The following RBMS3 variants were observed in gnomAD, a reference collection of about 807,000 sequenced individuals.
RBMS3 encodes RNA-binding motif, single-stranded-interacting protein 3.
In RBMS3, 27 loss-of-function variants were observed where a neutral mutation model predicts 66.8. The observed-to-expected ratio is 0.40, with a 90% confidence interval of 0.30 to 0.56. RBMS3 has a LOEUF of 0.56. Ranked by LOEUF, RBMS3 falls within the 20% of genes least tolerant of loss-of-function variation. The pLI is 0.40. For synonymous variants in RBMS3, 188 were observed against 183.0 expected (o/e 1.03, Z -0.22); for missense variants, 513 against 549.5 (o/e 0.93, Z 0.66).
Position 29,899,725 on chromosome 3 carries a change from G to A in RBMS3, c.909G>A (p.Met303Ile), listed in dbSNP as rs763130432. The A allele has an allele frequency of 9.3e-6, 15 of 1,610,470 alleles. No homozygotes were observed. In the East Asian group the frequency reaches 3.3e-4, roughly 36 times the overall value. ...STYQVQSTSW[M>I]PHPPYVMQPT... ...CATAGGTCCAGAGTACTTCATGGAT[G>A]CCTCATCCGCCATACGTTATGCAAC... The change falls in exon 10 of 15, where the codon ATG becomes ATA. Residue 303 changes from methionine (M) to isoleucine (I), a missense_variant. Transcript: ENST00000383767.
intron 10 of RBMS3, among the ~76,000 whole-genome samples, chr3:29,921,447 C>A (rs1429514406): frequency 2.8e-5 from 4 of 143,278 alleles, no homozygotes; most frequent in Non-Finnish European, 6.0e-5. Flanking sequence ...ATTTGCTATC[C>A]CATTGCCATA....
intron 12 of RBMS3, among the ~76,000 whole-genome samples, chr3:29,978,068 C>T (rs771336729): frequency 2.9e-4 from 44 of 152,264 alleles, no homozygotes; most frequent in Non-Finnish European, 5.7e-4. Context: ...CTCTGAGGCA[C>T]CCAGATTTAA....
chr3:29,318,024 C>T (rs375908272), intron 1 of RBMS3, among the ~76,000 whole-genome samples: 19 of 151,738 alleles, frequency 1.3e-4, no homozygotes, highest in East Asian at 1.2e-3. Flanking sequence ...TAGGTACATA[C>T]AAGATAATAA....
intron 6 of RBMS3, among the ~76,000 whole-genome samples, chr3:29,807,467 T>C (rs2057592327): frequency 6.6e-6 from 1 of 151,954 alleles, no homozygotes; most frequent in Non-Finnish European, 1.5e-5. Context: ...CAATCTTATA[T>C]GCAGGGTTCT....
At chr3:29,759,145 C>T (rs1386172155) in intron 5 of RBMS3, among the ~76,000 whole-genome samples, 1 of 152,002 alleles carries the variant, frequency 6.6e-6, no homozygotes, top group Admixed American at 6.6e-5. Flanking sequence ...ATCAGCCTCT[C>T]ATCTGACGTA....
At chr3:29,396,539 C>T (rs980874568) in intron 1 of RBMS3, among the ~76,000 whole-genome samples, 2 of 152,104 alleles carry the variant, frequency 1.3e-5, no homozygotes, top group African/African-American at 4.8e-5. Flanking sequence ...CTGGAAAACT[C>T]ATACTGAAGT....
chr3:29,424,457 T>A (rs754389661), intron 1 of RBMS3, among the ~76,000 whole-genome samples: 1 of 152,174 alleles, frequency 6.6e-6, no homozygotes, highest in Non-Finnish European at 1.5e-5. Flanking sequence ...CAGATGTGAC[T>A]ATGGTGTGGT....
chr3:29,847,049 A>G (rs1308654506), intron 6 of RBMS3, among the ~76,000 whole-genome samples: 1 of 152,226 alleles, frequency 6.6e-6, no homozygotes, highest in Admixed American at 6.5e-5. Flanking sequence ...CACGATAACA[A>G]GGTAATGAAG....
chr3:29,861,781 G>A (rs1236462464), intron 6 of RBMS3, among the ~76,000 whole-genome samples: 1 of 152,140 alleles, frequency 6.6e-6, no homozygotes, highest in Admixed American at 6.5e-5. Flanking sequence ...AAGTTTGGAA[G>A]ACTAGAAATA....
intron 6 of RBMS3, among the ~76,000 whole-genome samples, chr3:29,830,333 A>G (rs1000841873): frequency 1.3e-5 from 2 of 152,152 alleles, no homozygotes; most frequent in Non-Finnish European, 2.9e-5. Context: ...TTGTGTATAG[A>G]AAAACTTTAT....
At chr3:29,844,570 C>G (rs1213428967) in intron 6 of RBMS3, among the ~76,000 whole-genome samples, 4 of 152,162 alleles carry the variant, frequency 2.6e-5, no homozygotes, top group Non-Finnish European at 5.9e-5. Flanking sequence ...AATATTGCCA[C>G]TGAATAATGT....
intron 6 of RBMS3, among the ~76,000 whole-genome samples, chr3:29,787,681 CAG>C (rs1007034912): frequency 6.6e-6 from 1 of 151,926 alleles, no homozygotes; most frequent in African/African-American, 2.4e-5. Flanking sequence ...TTTGGGGACT[CAG>C]GGAAAAAGGG....
chr3:29,657,725 A>G (rs183461438), intron 4 of RBMS3, among the ~76,000 whole-genome samples: 1 of 152,332 alleles, frequency 6.6e-6, no homozygotes, highest in Admixed American at 6.5e-5. Context: ...TAGGCAGTCA[A>G]TACTAATCAA....
At position 29,759,718 on chromosome 3, in the gene RBMS3, C is replaced by A. The variant is rs914752786; in HGVS notation, c.558-3192C>A. 5.9e-4 allele frequency among the ~76,000 whole-genome samples: 89 copies of A among 152,102 alleles called. 1 individual carries two copies. The highest frequency in any genetic ancestry group is 1.6e-4 in the Non-Finnish European group (11 of 68,016). ...TTCAAATATAGTCTCTTTCCTCCCC[C>A]CCCAGAGCTTTCTGGGTCTCAGTCT... On this transcript the variant is annotated intron_variant, in intron 5 of 14. Coordinates refer to ENST00000383767, the MANE Select transcript of RBMS3 (RefSeq NM_001003793.3).
intron 1 of RBMS3, among the ~76,000 whole-genome samples, chr3:29,331,375 A>T (rs770816121): frequency 1.3e-5 from 2 of 151,976 alleles, no homozygotes; most frequent in African/African-American, 4.8e-5. Context: ...GTTAAGACGA[A>T]CTCCAATATG....
intron 3 of RBMS3, among the ~76,000 whole-genome samples, chr3:29,497,375 A>G (rs2043794379): frequency 6.6e-6 from 1 of 152,200 alleles, no homozygotes; most frequent in South Asian, 2.1e-4. Context: ...TGATAGAGTT[A>G]CATTACTTTC....
At chr3:29,958,934 T>G (rs973185110) in intron 12 of RBMS3, among the ~76,000 whole-genome samples, 1 of 152,188 alleles carries the variant, frequency 6.6e-6, no homozygotes, top group African/African-American at 2.4e-5. Flanking sequence ...AGCTTTTGTG[T>G]TCATTTCTGC....
intron 6 of RBMS3, among the ~76,000 whole-genome samples, chr3:29,841,167 T>A (rs985432613): frequency 6.6e-6 from 1 of 151,974 alleles, no homozygotes; most frequent in Non-Finnish European, 1.5e-5. Flanking sequence ...CCAGTTTTTT[T>A]ATTATTTTTC....
In RBMS3 at chr3:30,008,376, A is replaced by T. The variant is rs1356482048; in HGVS notation, c.*4514A>T. 1 of 152,138 alleles carries T rather than the reference A, an allele frequency of 6.6e-6. No individual in the cohort carries two copies. Among genetic ancestry groups the T allele is most frequent in the African/African-American group, 2.4e-5 (1 of 41,448 alleles). The allele number at this position is 152,138 out of a possible 1,614,324, so 9.4% of individuals were successfully genotyped here. A position where few individuals can be genotyped will look rare whatever the true frequency, so the allele number is the denominator to read the frequency against. On this transcript the variant is annotated 3_prime_UTR_variant, in exon 15 of 15. Transcript: ENST00000383767. The stretch of plus-strand genomic sequence containing the variant: ...GGGTTTCACTAATAAATGTTTTTTT[A>T]TATGATTTGAAATCAAGTAAAGGGA...
Sources: allele counts gnomAD v4.1 joint callset (sites outside exome capture counted in the v4.1 genomes callset), GRCh38; gene constraint gnomAD v4.1.1; transcripts MANE v1.5; gene names NCBI Gene and HGNC (gene_info 2026-07-23, HGNC 2026-07-21).